ADAM9: variants seen among roughly 807,000 people sequenced by gnomAD.
ADAM9 encodes ADAM metallopeptidase domain 9.
In ADAM9, 54 loss-of-function variants were observed where a neutral mutation model predicts 108.1. The ratio of observed to expected loss-of-function variants is 0.50; its 90% CI spans 0.40 to 0.63. The LOEUF (loss-of-function observed/expected upper bound fraction) is 0.63. Among genes scored for constraint, ADAM9 ranks in the 20% least tolerant of loss-of-function variants. ADAM9 has a pLI of 0.00. For missense variants in ADAM9, 830 were observed against 997.7 expected (o/e 0.83, Z 2.26); for synonymous variants, 316 against 336.0 (o/e 0.94, Z 0.65).
intron 16 of ADAM9, 92 bp from the exon 17 acceptor site, chr8:39,082,549 A>G (rs1214197216): frequency 1.4e-5 from 13 of 905,016 alleles, no homozygotes; most frequent in East Asian, 1.2e-4. Flanking sequence ...GAATTCTGCA[A>G]TGAAATAATC....
At chr8:39,071,767 C>G (rs1838703677) in intron 15 of ADAM9, among the ~76,000 whole-genome samples, 1 of 152,122 alleles carries the variant, frequency 6.6e-6, no homozygotes, top group Non-Finnish European at 1.5e-5. Context: ...GCCCGGCCGT[C>G]TCTAGTATCT....
At position 39,055,584 on chromosome 8, in the gene ADAM9, C is replaced by G. The variant is rs1003280683; in HGVS notation, c.1403C>G (p.Pro468Arg). ...GDCCKDCRFL[P>R]GGTLCRGKTS... is the part of the protein sequence containing the mutation. ...TGAATTCTATTTCACTAGTTCCTTC[C>G]AGGAGGTACTTTATGCCGAGGAAAA... Residue 468 changes from proline to arginine, a missense_variant, in exon 14 of 22, where the codon CCA (proline) becomes CGA (arginine). Physicochemically the swap from Pro to Arg is moderately radical, Grantham distance 103. Transcript: ENST00000487273. 6.2e-7 allele frequency: 1 copy of G among 1,613,288 alleles called. No individual in the cohort carries two copies. Among genetic ancestry groups the G allele is most frequent in the Non-Finnish European group, 8.5e-7 (1 of 1,179,534 alleles).
intron 12 of ADAM9, among the ~76,000 whole-genome samples, chr8:39,050,891 G>A (rs1044908002): frequency 2.0e-5 from 3 of 146,636 alleles, no homozygotes; most frequent in Non-Finnish European, 3.0e-5. Flanking sequence ...GAACTGTGGC[G>A]AGTGTCTGAG....
At chr8:39,014,576 A>G (rs1309901841) in intron 4 of ADAM9, 10 of 702,442 alleles carry the variant, frequency 1.4e-5, no homozygotes, top group Admixed American at 4.0e-5. Flanking sequence ...GCAGATGTCA[A>G]ATTTGGCTTT....
chr8:39,098,315 T>A (rs1302230394), intron 20 of ADAM9, among the ~76,000 whole-genome samples: 1 of 152,230 alleles, frequency 6.6e-6, no homozygotes, highest in African/African-American at 2.4e-5. Flanking sequence ...TGATTTACAT[T>A]TTTCAGTTCT....
intron 11 of ADAM9, among the ~76,000 whole-genome samples, chr8:39,035,735 T>A (rs1215254876): frequency 2.0e-5 from 3 of 152,150 alleles, no homozygotes; most frequent in Non-Finnish European, 4.4e-5. Context: ...GCGAATGGCA[T>A]GAACCCGGGA....
At chr8:39,051,215 T>G (rs751910377) in intron 12 of ADAM9, among the ~76,000 whole-genome samples, 2 of 152,150 alleles carry the variant, frequency 1.3e-5, no homozygotes, top group African/African-American at 4.8e-5. Context: ...AACTGTAATA[T>G]TGGATGTGTG....
At chr8:39,045,514 A>ATATGTGTGTG in intron 12 of ADAM9, among the ~76,000 whole-genome samples, 1 of 74,446 alleles carries the variant, frequency 1.3e-5, no homozygotes, top group African/African-American at 4.5e-5. Flanking sequence ...GTGTGTGTAC[A>ATATGTGTGTG]TACATATATA....
chr8:39,046,328 T>A (rs972536892), intron 12 of ADAM9, among the ~76,000 whole-genome samples: 7 of 152,174 alleles, frequency 4.6e-5, no homozygotes, highest in Non-Finnish European at 5.9e-5. Context: ...TCCTGCAACT[T>A]TACTGAATTT....
chr8:39,067,183 T>A (rs1278514150), intron 14 of ADAM9, among the ~76,000 whole-genome samples: 1 of 152,202 alleles, frequency 6.6e-6, no homozygotes, highest in Admixed American at 6.5e-5. Flanking sequence ...AGTCAGGTAG[T>A]GTGATGCCTC....
chr8:39,014,044 G>A lies in ADAM9; in HGVS notation c.333+1G>A, dbSNP rs1242106041. ...AATCACTGACCATCCCAATATACAG[G>A]TAATGTATTTTTCTCTTGATCCCAT... is the stretch of plus-strand genomic sequence containing the variant. On this transcript the variant is annotated splice_donor_variant, in intron 4 of 21. Transcript: ENST00000487273. LOFTEE classifies it high-confidence loss of function. 6.2e-7 allele frequency: 1 copy of A among 1,609,808 alleles called. No homozygotes were observed. The highest frequency in any genetic ancestry group is 8.5e-7 in the Non-Finnish European group (1 of 1,176,374).
chr8:39,056,963 G>A lies in ADAM9; in HGVS notation c.1591+1191G>A, dbSNP rs115464998. On this transcript the variant is annotated intron_variant, in intron 14 of 21. Coordinates refer to ENST00000487273, the MANE Select transcript of ADAM9 (RefSeq NM_003816.3). Reference sequence around the variant, plus strand: ...ACAACATTTTGGTCAGTGAGAGATTGCATATACAACAGTGGTCTCATAAAA... The same window carrying A: ...ACAACATTTTGGTCAGTGAGAGATTACATATACAACAGTGGTCTCATAAAA... Among the ~76,000 whole-genome samples, 485 of 152,246 alleles carry A rather than the reference G, an allele frequency of 3.2e-3. 3 individuals are homozygous for A. The highest frequency in any genetic ancestry group is 0.011 in the African/African-American group (471 of 41,530).
At chr8:39,053,188 ATTG>A (rs1446436350) in intron 12 of ADAM9, among the ~76,000 whole-genome samples, 1 of 152,054 alleles carries the variant, frequency 6.6e-6, no homozygotes, top group East Asian at 1.9e-4. Flanking sequence ...TTGATTACTT[ATTG>A]TTGAGTTTTG....
In ADAM9 at chr8:39,017,412, C is replaced by A. The variant is rs1030783207; in HGVS notation, c.604C>A (p.Arg202=). ...EEPPSMTQLL[R]RRRAVLPQTR... ...GCCTCCCAGCATGACTCAGCTACTT[C>A]GAGTAAGGAAATAACATAATTCTTC... Residue 202 remains arginine, a splice_region_variant and synonymous_variant, in exon 6 of 22, where the codon CGA becomes AGA. Coordinates refer to ENST00000487273, the MANE Select transcript of ADAM9 (RefSeq NM_003816.3). 1.9e-6 allele frequency: 3 copies of A among 1,613,376 alleles called. No individual in the cohort carries two copies. In the South Asian group the frequency reaches 3.3e-5, roughly 18 times the overall value.
chr8:39,053,099 A>G (rs1838009709), intron 12 of ADAM9, among the ~76,000 whole-genome samples: 1 of 152,104 alleles, frequency 6.6e-6, no homozygotes, highest in South Asian at 2.1e-4. Flanking sequence ...TGCATTGAGC[A>G]TGTTTTCATG....
chr8:39,025,527 A>G (rs1836892969), intron 9 of ADAM9, among the ~76,000 whole-genome samples: 1 of 152,228 alleles, frequency 6.6e-6, no homozygotes, highest in African/African-American at 2.4e-5. Flanking sequence ...TAATAAGTGT[A>G]TAAATAAACC....
intron 20 of ADAM9, among the ~76,000 whole-genome samples, chr8:39,098,396 T>C (rs1436973942): frequency 6.6e-6 from 1 of 152,256 alleles, no homozygotes; most frequent in Non-Finnish European, 1.5e-5. Context: ...ATGCATTTCT[T>C]GCATGTTAGA....
At chr8:39,038,428 G>A (rs1259602680) in intron 11 of ADAM9, among the ~76,000 whole-genome samples, 1 of 151,990 alleles carries the variant, frequency 6.6e-6, no homozygotes, top group Non-Finnish European at 1.5e-5. Context: ...AGTTTTGATT[G>A]AACTGTCACA....
At chr8:39,085,118 C>T (rs1839145758) in intron 18 of ADAM9, among the ~76,000 whole-genome samples, 1 of 152,040 alleles carries the variant, frequency 6.6e-6, no homozygotes, top group South Asian at 2.1e-4. Flanking sequence ...TGCTTTTTAT[C>T]TAATCTGCCA....
Sources: allele counts gnomAD v4.1 joint callset (sites outside exome capture counted in the v4.1 genomes callset), GRCh38; gene constraint gnomAD v4.1.1; transcripts MANE v1.5; gene names NCBI Gene and HGNC (gene_info 2026-07-23, HGNC 2026-07-21).